Variants in LINGO2 observed in about 807,000 individuals in gnomAD.
LINGO2 encodes leucine-rich repeat and immunoglobulin-like domain-containing nogo receptor-interacting protein 2.
A neutral mutation model predicts 30.6 loss-of-function variants in LINGO2; 14 were observed. The ratio of observed to expected loss-of-function variants is 0.46; its 90% CI spans 0.30 to 0.72. The LOEUF (loss-of-function observed/expected upper bound fraction) is 0.72, where lower values mean the gene tolerates loss of function less well. LINGO2 is among the 30% of genes least tolerant of loss of function. The pLI is 0.07. For synonymous variants in LINGO2, 317 were observed against 288.5 expected, an observed-to-expected ratio of 1.10 and a Z score of -1.00; for missense variants, 729 against 751.7, an observed-to-expected ratio of 0.97 and a Z score of 0.35.
chr9:28,321,193 T>A lies in LINGO2; in HGVS notation c.-245-25827A>T, dbSNP rs1825028993. Among the ~76,000 whole-genome samples, 3 of 152,156 alleles carry A rather than the reference T, an allele frequency of 2.0e-5. No homozygotes were observed. In the South Asian group the frequency reaches 6.2e-4, roughly 31 times the overall value. On this transcript the variant is annotated intron_variant, in intron 3 of 5. Transcript: ENST00000379992. ...ACAAACTATTCCATATGTTTCTCCA[T>A]AACTATCTTGAGAAAATACCCAAAC... is the stretch of plus-strand genomic sequence containing the variant.
chr9:28,597,765 T>G (rs1380733008), intron 1 of LINGO2, among the ~76,000 whole-genome samples: 1 of 152,124 alleles, frequency 6.6e-6, no homozygotes, highest in East Asian at 1.9e-4. Context: ...TGTATGTATA[T>G]ATGTATTTAT....
intron 4 of LINGO2, among the ~76,000 whole-genome samples, chr9:28,055,970 T>TA (rs1308184821): frequency 6.6e-6 from 1 of 152,168 alleles, no homozygotes; most frequent in Non-Finnish European, 1.5e-5. Context: ...CAGTTACTAT[T>TA]GTTACTACTT....
At chr9:28,254,337 T>C (rs1251206944) in intron 4 of LINGO2, among the ~76,000 whole-genome samples, 1 of 152,112 alleles carries the variant, frequency 6.6e-6, no homozygotes, top group Non-Finnish European at 1.5e-5. Flanking sequence ...AGCAATGAAA[T>C]GGTATTAAAA....
At chr9:28,353,399 A>G (rs1451050457) in intron 3 of LINGO2, among the ~76,000 whole-genome samples, 33 of 151,006 alleles carry the variant, frequency 2.2e-4, no homozygotes, top group Non-Finnish European at 3.0e-4. Flanking sequence ...AACACATGAA[A>G]AAATGCTCAT....
At position 28,063,939 on chromosome 9, in the gene LINGO2, AT is replaced by A. The variant is rs1825232305; in HGVS notation, c.-86-51535del. Among the ~76,000 whole-genome samples, 2 of 152,100 alleles carry A rather than the reference AT, an allele frequency of 1.3e-5. 1 individual carries two copies. The highest frequency in any genetic ancestry group is 4.1e-4 in the South Asian group (2 of 4,834). On this transcript the variant is annotated intron_variant, in intron 4 of 5. Coordinates refer to ENST00000379992, the Ensembl canonical transcript of LINGO2. Reference sequence around the variant, plus strand: ...CTTAAGTATTTGAGTTCTAGAGTGTATTGTTTTCCTCAGTCACACCTCAATA... The same window carrying A: ...CTTAAGTATTTGAGTTCTAGAGTGTATGTTTTCCTCAGTCACACCTCAATA...
intron 2 of LINGO2, among the ~76,000 whole-genome samples, chr9:28,418,930 A>G (rs1823078152): frequency 6.6e-6 from 1 of 152,152 alleles, no homozygotes; most frequent in Non-Finnish European, 1.5e-5. Context: ...TTTAGTACCA[A>G]TCAAAATATT....
chr9:29,207,035 G>GTGTACATATATATATGTAAATATACATA, the LINGO2 span, among the ~76,000 whole-genome samples: 3 of 151,692 alleles, frequency 2.0e-5, no homozygotes, highest in Admixed American at 6.6e-5. Flanking sequence ...GTGTGTGTAT[G>GTGTACATATATATATGTAAATATACATA]TGTACATATA....
chr9:28,228,204 C>T (rs1821238131), intron 4 of LINGO2, among the ~76,000 whole-genome samples: 1 of 151,772 alleles, frequency 6.6e-6, no homozygotes, highest in South Asian at 2.1e-4. Flanking sequence ...TATCTTTGCA[C>T]AATATTTTGA....
At chr9:28,014,380 C>T (rs1236440502) in intron 4 of LINGO2, among the ~76,000 whole-genome samples, 1 of 152,150 alleles carries the variant, frequency 6.6e-6, no homozygotes, top group Non-Finnish European at 1.5e-5. Context: ...CCCCTCCATA[C>T]ATATGCAAGC....
chr9:28,545,303 C>G (rs183447796), intron 1 of LINGO2, among the ~76,000 whole-genome samples: 112 of 152,052 alleles, frequency 7.4e-4, no homozygotes, highest in African/African-American at 2.6e-3. Flanking sequence ...GTCAGGAGAC[C>G]TAAATATGTG....
the LINGO2 span, among the ~76,000 whole-genome samples, chr9:28,829,247 C>T: frequency 6.6e-6 from 1 of 152,148 alleles, no homozygotes; most frequent in Non-Finnish European, 1.5e-5. Context: ...CCACTCCATC[C>T]CCTTTCCAGG....
chr9:28,527,342 A>T (rs547056710), intron 1 of LINGO2, among the ~76,000 whole-genome samples: 103 of 152,234 alleles, frequency 6.8e-4, no homozygotes, highest in Admixed American at 4.6e-4. Context: ...ATTCTGTAAA[A>T]ACGTATTCAT....
At chr9:29,185,898 A>C in the LINGO2 span, among the ~76,000 whole-genome samples, 2 of 152,188 alleles carry the variant, frequency 1.3e-5, no homozygotes, top group Non-Finnish European at 2.9e-5. Flanking sequence ...GTAATCCAAA[A>C]AAGACCACTA....
At chr9:28,473,411 TCA>T (rs1376245556) in intron 2 of LINGO2, among the ~76,000 whole-genome samples, 3 of 150,446 alleles carry the variant, frequency 2.0e-5, no homozygotes, top group Non-Finnish European at 3.0e-5. Flanking sequence ...TCTCTCTCTC[TCA>T]CACACACACA....
intron 1 of LINGO2, among the ~76,000 whole-genome samples, chr9:28,510,570 G>A (rs1820334482): frequency 1.3e-5 from 2 of 152,096 alleles, no homozygotes; most frequent in South Asian, 4.2e-4. Flanking sequence ...GGTGGAGGAG[G>A]TGGAAGATGA....
At chr9:29,175,296 C>A in the LINGO2 span, among the ~76,000 whole-genome samples, 1 of 152,098 alleles carries the variant, frequency 6.6e-6, no homozygotes, top group South Asian at 2.1e-4. Flanking sequence ...TCTCAGTGTT[C>A]ATTATTCACT....
At chr9:28,163,035 G>C (rs1464791902) in intron 4 of LINGO2, among the ~76,000 whole-genome samples, 1 of 152,088 alleles carries the variant, frequency 6.6e-6, no homozygotes, top group Non-Finnish European at 1.5e-5. Flanking sequence ...AGATTGAGAA[G>C]TGTGGATTTT....
At chr9:28,248,002 G>C (rs1822063515) in intron 4 of LINGO2, among the ~76,000 whole-genome samples, 1 of 152,172 alleles carries the variant, frequency 6.6e-6, no homozygotes, top group Non-Finnish European at 1.5e-5. Context: ...CTCATACACT[G>C]TTGGTTGGAA....
intron 2 of LINGO2, among the ~76,000 whole-genome samples, chr9:28,414,014 A>G (rs35919016): frequency 0.45 from 45,821 of 102,228 alleles, 7,886 homozygotes; most frequent in Non-Finnish European, 0.54. Context: ...TGCCTCCCCT[A>G]TGACATATAT....
Sources: gnomAD v4.1 joint callset for allele counts (sites outside exome capture counted in the v4.1 genomes callset) on GRCh38, gnomAD v4.1.1 for gene constraint, MANE v1.5 for transcripts, NCBI Gene and HGNC (gene_info 2026-07-23, HGNC 2026-07-21) for gene names.